The following IKZF3 variants were observed in gnomAD, a reference collection of about 807,000 sequenced individuals.
IKZF3 encodes the protein IKAROS family zinc finger 3, also known as zinc finger protein Aiolos.
A neutral mutation model predicts 49.0 loss-of-function variants in IKZF3; 10 were observed. The ratio of observed to expected loss-of-function variants is 0.20; its 90% CI spans 0.13 to 0.35. The LOEUF is 0.35. IKZF3 is among the 10% of genes least tolerant of loss of function. The pLI is 1.00. For missense variants in IKZF3, 498 were observed against 664.8 expected (o/e 0.75, Z 2.76); for synonymous variants, 209 against 228.2 (o/e 0.92, Z 0.76).
chr17:39,841,889 TATTAAA>T (rs539433194), intron 1 of IKZF3, among the ~76,000 whole-genome samples: 2 of 151,864 alleles, frequency 1.3e-5, no homozygotes, highest in South Asian at 4.2e-4. Context: ...TACAAAAAAA[TATTAAA>T]ATTAGAAGGG....
chr17:39,829,800 A>C (rs1292389481), intron 2 of IKZF3, among the ~76,000 whole-genome samples: 2 of 152,130 alleles, frequency 1.3e-5, no homozygotes, highest in African/African-American at 4.8e-5. Flanking sequence ...AAAAATACAA[A>C]AATTAGTTGG....
intron 3 of IKZF3, among the ~76,000 whole-genome samples, chr17:39,827,606 C>A (rs921082807): frequency 5.9e-5 from 9 of 152,176 alleles, no homozygotes; most frequent in African/African-American, 2.2e-4. Flanking sequence ...CTGCACCCAA[C>A]CTATAAATTG....
At chr17:39,835,008 G>A (rs536716834) in intron 1 of IKZF3, 8 of 405,958 alleles carry the variant, frequency 2.0e-5, no homozygotes, top group Admixed American at 1.8e-4. Context: ...GCTTCCCATC[G>A]TGGTCTTGAT....
At chr17:39,803,868 T>C (rs1019492014) in intron 3 of IKZF3, among the ~76,000 whole-genome samples, 7 of 152,110 alleles carry the variant, frequency 4.6e-5, no homozygotes, top group African/African-American at 1.7e-4. Context: ...TAAAATACAA[T>C]TCTTAGTAAA....
intron 1 of IKZF3, among the ~76,000 whole-genome samples, chr17:39,833,538 C>T (rs190538870): frequency 3.9e-5 from 6 of 152,168 alleles, no homozygotes; most frequent in South Asian, 2.1e-4. Context: ...TTATTTTGCC[C>T]GAGGCTTCTT....
At chr17:39,768,728 CTGTT>C (rs1474902208) in intron 7 of IKZF3, among the ~76,000 whole-genome samples, 1 of 152,160 alleles carries the variant, frequency 6.6e-6, no homozygotes, top group African/African-American at 2.4e-5. Context: ...TTTTTTTCCT[CTGTT>C]TGATTTGGTT....
Position 39,766,359 on chromosome 17 carries a change from G to C in IKZF3, c.961C>G (p.Arg321Gly). 1 of 1,614,196 alleles carries C rather than the reference G, an allele frequency of 6.2e-7. No individual in the cohort carries two copies. The highest frequency in any genetic ancestry group is 8.5e-7 in the Non-Finnish European group (1 of 1,180,036). The part of the protein sequence containing the change: ...AISYLGAEAL[R>G]PLVQTPPAPT... ...GCAGGCGGTGTCTGGACCAAGGGGC[G>C]CAGGGCTTCGGCGCCAAGATAGCTG... The change falls in exon 8 of 8, where the codon CGC (arginine) becomes GGC (glycine). Residue 321 changes from arginine (R) to glycine (G), a missense_variant. Transcript: ENST00000346872.
At chr17:39,806,696 TCTAAAACGGCTC>T (rs1286932259) in intron 3 of IKZF3, among the ~76,000 whole-genome samples, 1 of 152,186 alleles carries the variant, frequency 6.6e-6, no homozygotes, top group East Asian at 1.9e-4. Context: ...TGGGCAGCCT[TCTAAAACGGCTC>T]CTAGCATTCA....
At chr17:39,785,701 T>C (rs964499250) in intron 6 of IKZF3, among the ~76,000 whole-genome samples, 1 of 152,158 alleles carries the variant, frequency 6.6e-6, no homozygotes, top group Non-Finnish European at 1.5e-5. Context: ...TGTGTGTCTA[T>C]TAGTATGTGT....
In IKZF3 at chr17:39,760,033, C is replaced by T. The variant is rs2060143481; in HGVS notation, c.*5757G>A. 6.6e-6 allele frequency: 1 copy of T among 152,156 alleles called. No homozygotes were observed. The highest frequency in any genetic ancestry group is 2.4e-5 in the African/African-American group (1 of 41,426). The allele number at this position is 152,156 out of a possible 1,614,324, so 9.4% of individuals were successfully genotyped here. A position where few individuals can be genotyped will look rare whatever the true frequency, so the allele number is the denominator to read the frequency against. On this transcript the variant is annotated 3_prime_UTR_variant, in exon 8 of 8. Transcript: ENST00000346872. ...TGAGTGTCCCAGAGTTTCCAAATCT[C>T]TGCTAGAGTCCAACATACCTCTTCT...
chr17:39,864,022 T>C (rs2063293657), intron 1 of IKZF3, 98 bp downstream of exon 1: 10 of 1,511,314 alleles, frequency 6.6e-6, no homozygotes, highest in South Asian at 3.4e-5. Flanking sequence ...AAGAAGTAAA[T>C]AGAAGCAAAA....
chr17:39,850,961 T>TTA (rs1386132413), intron 1 of IKZF3, among the ~76,000 whole-genome samples: 15 of 141,306 alleles, frequency 1.1e-4, no homozygotes, highest in East Asian at 6.0e-4. Flanking sequence ...TACACGTATA[T>TTA]TATATACGTG....
At chr17:39,823,693 T>G (rs2061874107) in intron 3 of IKZF3, among the ~76,000 whole-genome samples, 1 of 152,180 alleles carries the variant, frequency 6.6e-6, no homozygotes, top group Non-Finnish European at 1.5e-5. Flanking sequence ...GGGGCAAAGG[T>G]ACAGCTCAGG....
chr17:39,796,887 A>G (rs1225234732), intron 3 of IKZF3, among the ~76,000 whole-genome samples: 3 of 149,160 alleles, frequency 2.0e-5, no homozygotes, highest in African/African-American at 7.4e-5. Context: ...CAGGTGGTCC[A>G]GGAGCGGTGG....
rs540202580 is a variant in IKZF3, at chr17:39,838,469, TTTTAA to T, written c.8-6323_8-6319del. Among the ~76,000 whole-genome samples the T allele has an allele frequency of 3.3e-4, 51 of 152,286 alleles. No individual in the cohort carries two copies. In the South Asian group the frequency reaches 0.011, roughly 32 times the overall value. ...AGTTCTAGAATTTCCATTTAGTTCA[TTTTAA>T]TTTCTCTGCTGAGGTTTTCTATTTG... On this transcript the variant is annotated intron_variant, in intron 1 of 7. Transcript: ENST00000346872.
At chr17:39,822,634 G>A (rs185490493) in intron 3 of IKZF3, among the ~76,000 whole-genome samples, 1 of 148,310 alleles carries the variant, frequency 6.7e-6, no homozygotes, top group African/African-American at 2.5e-5. Context: ...CCAGCCTGGA[G>A]TGCAGTGGCG....
chr17:39,786,109 A>G (rs560331364), intron 6 of IKZF3, among the ~76,000 whole-genome samples: 8 of 152,356 alleles, frequency 5.3e-5, no homozygotes, highest in African/African-American at 1.9e-4. Context: ...GCGGATGGTG[A>G]TAATGTTCTG....
chr17:39,769,477 A>G (rs541177648), intron 7 of IKZF3, among the ~76,000 whole-genome samples: 3 of 152,364 alleles, frequency 2.0e-5, no homozygotes, highest in African/African-American at 7.2e-5. Context: ...AATGAGAAGC[A>G]ACAGCAGAGT....
intron 7 of IKZF3, among the ~76,000 whole-genome samples, chr17:39,777,426 G>A (rs934184121): frequency 6.6e-6 from 1 of 152,152 alleles, no homozygotes; most frequent in Non-Finnish European, 1.5e-5. Flanking sequence ...TTAGGAAATT[G>A]GATATCAACT....
Sources: allele counts gnomAD v4.1 joint callset (sites outside exome capture counted in the v4.1 genomes callset), GRCh38; gene constraint gnomAD v4.1.1; transcripts MANE v1.5; gene names NCBI Gene and HGNC (gene_info 2026-07-23, HGNC 2026-07-21).